ANK2: variants seen among roughly 807,000 people sequenced by gnomAD.
The protein encoded by ANK2 is ankyrin-2.
ANK2 carries 83 observed loss-of-function variants against 360.5 expected under a neutral mutation model. The ratio of observed to expected loss-of-function variants is 0.23; its 90% confidence interval spans 0.19 to 0.28. The LOEUF is 0.28. Among genes scored for constraint, ANK2 ranks in the 10% least tolerant of loss-of-function variants. The pLI is 1.00. For synonymous variants in ANK2, 1,740 were observed against 1,759.5 expected, an observed-to-expected ratio of 0.99 and a Z score of 0.28; for missense variants, 4,201 against 4,795.7, an observed-to-expected ratio of 0.88 and a Z score of 3.66.
At chr4:112,962,832 C>T (rs990141607) in intron 2 of ANK2, among the ~76,000 whole-genome samples, 2 of 151,990 alleles carry the variant, frequency 1.3e-5, no homozygotes, top group Non-Finnish European at 2.9e-5. Context: ...TTCATTAAAC[C>T]TTAATTAGAG....
intron 2 of ANK2, among the ~76,000 whole-genome samples, chr4:112,959,842 T>C (rs2033759913): frequency 6.6e-6 from 1 of 152,074 alleles, no homozygotes; most frequent in South Asian, 2.1e-4. Context: ...ATGAGGAGTA[T>C]TTTTTTGTCA....
intron 1 of ANK2, among the ~76,000 whole-genome samples, chr4:113,063,897 CTTTA>C (rs1469031244): frequency 1.3e-5 from 2 of 152,108 alleles, no homozygotes; most frequent in Non-Finnish European, 2.9e-5. Context: ...CTTCCTGCTT[CTTTA>C]TTTCATTTGA....
chr4:112,719,074 C>G, the ANK2 span, among the ~76,000 whole-genome samples: 15 of 152,234 alleles, frequency 9.9e-5, no homozygotes, highest in Non-Finnish European at 1.5e-4. Context: ...TAACTGAGCT[C>G]TGTGTGTGTC....
the ANK2 span, among the ~76,000 whole-genome samples, chr4:112,807,376 G>T: frequency 2.0e-5 from 3 of 152,204 alleles, no homozygotes; most frequent in Non-Finnish European, 2.9e-5. Context: ...TCACAGAAGT[G>T]CATTTAAGTC....
intron 2 of ANK2, among the ~76,000 whole-genome samples, chr4:112,987,242 C>T (rs2045228248): frequency 6.6e-6 from 1 of 152,264 alleles, no homozygotes; most frequent in African/African-American, 2.4e-5. Context: ...TCTCAGACTT[C>T]CTCTACCCCA....
At chr4:112,902,738 A>G (rs1053647605) in intron 1 of ANK2, among the ~76,000 whole-genome samples, 8 of 152,234 alleles carry the variant, frequency 5.3e-5, no homozygotes, top group African/African-American at 1.9e-4. Context: ...ACACAGTTCC[A>G]AGGGAATTTA....
At chr4:112,728,712 C>T in the ANK2 span, among the ~76,000 whole-genome samples, 8 of 151,978 alleles carry the variant, frequency 5.3e-5, no homozygotes, top group Non-Finnish European at 1.2e-4. Context: ...GGACTCCAGC[C>T]TGGGTAACAG....
intron 1 of ANK2, among the ~76,000 whole-genome samples, chr4:112,823,243 A>G (rs950404116): frequency 2.6e-5 from 4 of 152,230 alleles, no homozygotes; most frequent in Non-Finnish European, 5.9e-5. Flanking sequence ...GAGTGAGGGT[A>G]TCTCTTCATT....
At chr4:113,046,590 C>A (rs2064496817), upstream of ANK2, among the ~76,000 whole-genome samples, 1 of 151,996 alleles carries the variant, frequency 6.6e-6, no homozygotes, top group Non-Finnish European at 1.5e-5. Flanking sequence ...TTCAATATGC[C>A]ATCTGGGAAG....
chr4:113,051,138 G>A (rs939402663), intron 1 of ANK2, among the ~76,000 whole-genome samples: 3 of 152,050 alleles, frequency 2.0e-5, no homozygotes, highest in Non-Finnish European at 4.4e-5. Context: ...CATTTTTATA[G>A]AGTGTTAGCT....
chr4:112,705,627 T>C, the ANK2 span, among the ~76,000 whole-genome samples: 2 of 152,214 alleles, frequency 1.3e-5, no homozygotes, highest in Non-Finnish European at 2.9e-5. Flanking sequence ...CGTCCGCCAG[T>C]GATGCGGGAG....
At chr4:113,004,151 C>T (rs2051865304) in intron 2 of ANK2, among the ~76,000 whole-genome samples, 1 of 152,148 alleles carries the variant, frequency 6.6e-6, no homozygotes, top group Admixed American at 6.5e-5. Context: ...TGCACTTAGG[C>T]TACACTACAT....
intron 1 of ANK2, among the ~76,000 whole-genome samples, chr4:113,099,356 A>G (rs1466213691): frequency 6.6e-6 from 1 of 151,976 alleles, no homozygotes; most frequent in Non-Finnish European, 1.5e-5. Flanking sequence ...GATTTCCTAT[A>G]TACCATCAAT....
At chr4:112,793,706 C>CTTTTT in the ANK2 span, among the ~76,000 whole-genome samples, 4 of 134,806 alleles carry the variant, frequency 3.0e-5, no homozygotes, top group African/African-American at 5.5e-5. Flanking sequence ...ATTTTCTTTT[C>CTTTTT]TTTTTTTTTT....
At chr4:112,741,433 C>T in the ANK2 span, among the ~76,000 whole-genome samples, 1 of 152,200 alleles carries the variant, frequency 6.6e-6, no homozygotes, top group Non-Finnish European at 1.5e-5. Flanking sequence ...CTGCTCTGTC[C>T]ATGCTGCTTC....
intron 4 of ANK2, among the ~76,000 whole-genome samples, chr4:113,209,398 A>T (rs1039945488): frequency 1.3e-5 from 2 of 151,908 alleles, no homozygotes; most frequent in African/African-American, 4.9e-5. Context: ...TTCTCTACAG[A>T]TGCAAATCTC....
chr4:113,098,383 C>A (rs187857546), intron 1 of ANK2, among the ~76,000 whole-genome samples: 19 of 151,834 alleles, frequency 1.3e-4, no homozygotes, highest in Admixed American at 1.2e-3. Flanking sequence ...GGATCATCAC[C>A]GTTGATTCCA....
At chr4:113,188,429 T>A (rs778417695) in intron 2 of ANK2, among the ~76,000 whole-genome samples, 6 of 152,160 alleles carry the variant, frequency 3.9e-5, no homozygotes, top group Non-Finnish European at 7.4e-5. Flanking sequence ...AAACCAACTC[T>A]TAAGACAACA....
chr4:112,792,563 T>C, the ANK2 span, among the ~76,000 whole-genome samples: 2 of 152,208 alleles, frequency 1.3e-5, no homozygotes, highest in African/African-American at 4.8e-5. Flanking sequence ...AAATGGTTAC[T>C]AGGGAAGGAT....
Sources: gnomAD v4.1 joint callset for allele counts (sites outside exome capture counted in the v4.1 genomes callset) on GRCh38, gnomAD v4.1.1 for gene constraint, MANE v1.5 for transcripts, NCBI Gene and HGNC (gene_info 2026-07-23, HGNC 2026-07-21) for gene names.